Variants in GLRA3 observed in about 807,000 individuals in gnomAD.
The protein encoded by GLRA3 is glycine receptor subunit alpha-3.
In GLRA3, 44 loss-of-function variants were observed where a neutral mutation model predicts 60.4. The observed-to-expected ratio is 0.73, with a 90% confidence interval of 0.57 to 0.94. GLRA3 has a LOEUF of 0.94. GLRA3 is among the 40% of genes least tolerant of loss of function. GLRA3 has a pLI of 0.00. For missense variants in GLRA3, 508 were observed against 564.6 expected (o/e 0.90, Z 1.02); for synonymous variants, 223 against 192.9 (o/e 1.16, Z -1.29).
intron 1 of GLRA3, among the ~76,000 whole-genome samples, chr4:174,804,879 G>A (rs1191825893): frequency 6.6e-6 from 1 of 152,100 alleles, no homozygotes. Flanking sequence ...GAAGAAGCTG[G>A]CCACCCCACC....
At chr4:174,824,166 T>A (rs1026573521) in intron 1 of GLRA3, among the ~76,000 whole-genome samples, 2 of 152,202 alleles carry the variant, frequency 1.3e-5, no homozygotes, top group Non-Finnish European at 2.9e-5. Flanking sequence ...AAATTCAATG[T>A]CCTCTTTTCC....
At chr4:174,776,954 T>C (rs1465055489) in intron 2 of GLRA3, among the ~76,000 whole-genome samples, 4 of 152,036 alleles carry the variant, frequency 2.6e-5, no homozygotes, top group Non-Finnish European at 5.9e-5. Context: ...AATGGCACCA[T>C]GTAACTGAGG....
chr4:174,815,589 A>G (rs1740460018), intron 1 of GLRA3, among the ~76,000 whole-genome samples: 1 of 152,130 alleles, frequency 6.6e-6, no homozygotes, highest in Non-Finnish European at 1.5e-5. Context: ...TCAGTTCTTG[A>G]CTTGCGTGCA....
intron 5 of GLRA3, among the ~76,000 whole-genome samples, chr4:174,684,070 GT>G (rs1734460041): frequency 6.6e-6 from 1 of 152,112 alleles, no homozygotes; most frequent in Admixed American, 6.5e-5. Context: ...AAGCCATAAT[GT>G]TGAATAGAAT....
chr4:174,797,874 T>A (rs1739633516), intron 1 of GLRA3, among the ~76,000 whole-genome samples: 1 of 151,384 alleles, frequency 6.6e-6, no homozygotes, highest in East Asian at 1.9e-4. Context: ...CAGAGAGCCA[T>A]GACTGTGTCA....
At chr4:174,760,203 T>C (rs1189136143) in intron 3 of GLRA3, among the ~76,000 whole-genome samples, 1 of 152,176 alleles carries the variant, frequency 6.6e-6, no homozygotes, top group Non-Finnish European at 1.5e-5. Context: ...ATCTGAATCA[T>C]TTATTAAAAT....
At chr4:174,685,382 C>A (rs1011139027) in intron 5 of GLRA3, among the ~76,000 whole-genome samples, 20 of 152,132 alleles carry the variant, frequency 1.3e-4, no homozygotes, top group Admixed American at 1.3e-3. Flanking sequence ...CATCAGTAAC[C>A]AGATCTCTTT....
chr4:174,687,769 T>A (rs902382604), intron 5 of GLRA3, among the ~76,000 whole-genome samples: 1 of 152,200 alleles, frequency 6.6e-6, no homozygotes, highest in Non-Finnish European at 1.5e-5. Flanking sequence ...ATATGTACGA[T>A]GAAGTGTGTC....
intron 3 of GLRA3, among the ~76,000 whole-genome samples, chr4:174,737,516 TTTG>T (rs756415681): frequency 3.3e-5 from 4 of 122,558 alleles, no homozygotes; most frequent in East Asian, 2.2e-4. Flanking sequence ...TTTGTGGTTT[TTTG>T]TTGTTGTTGT....
intron 4 of GLRA3, among the ~76,000 whole-genome samples, chr4:174,721,383 A>T (rs183670192): frequency 6.6e-6 from 1 of 152,098 alleles, no homozygotes; most frequent in Non-Finnish European, 1.5e-5. Context: ...ATAAATATGT[A>T]ATTCTTGCTC....
rs1463603993 is a variant in GLRA3 at position 174,643,661 on chromosome 4, T to C, written c.*125A>G. ...ATAGCTAACCAAAATACAAAGCTTTTCCATATGCCATTTTAATACAATGGT... is the reference window on the plus strand; with the variant it reads ...ATAGCTAACCAAAATACAAAGCTTTCCCATATGCCATTTTAATACAATGGT... On this transcript the variant is annotated 3_prime_UTR_variant, in exon 10 of 10. Transcript: ENST00000274093. The C allele has an allele frequency of 1.4e-6, 2 of 1,408,806 alleles. No homozygotes were observed. Among genetic ancestry groups the C allele is most frequent in the Non-Finnish European group, 1.9e-6 (2 of 1,077,888 alleles). 87.3% of individuals were successfully genotyped at this position (1,408,806 alleles called of 1,614,324 possible). A position where few individuals can be genotyped will look rare whatever the true frequency, so the allele number is the denominator to read the frequency against.
chr4:174,779,804 G>C (rs1738789271), intron 2 of GLRA3, among the ~76,000 whole-genome samples: 1 of 151,184 alleles, frequency 6.6e-6, no homozygotes, highest in Non-Finnish European at 1.5e-5. Context: ...CAAGAAATAT[G>C]GGACTATGTG....
chr4:174,825,513 G>T (rs1195881385), intron 1 of GLRA3, among the ~76,000 whole-genome samples: 3 of 152,062 alleles, frequency 2.0e-5, no homozygotes, highest in Non-Finnish European at 4.4e-5. Flanking sequence ...AAAATTAAAT[G>T]ATATGGCAAG....
intron 5 of GLRA3, among the ~76,000 whole-genome samples, chr4:174,703,771 T>C (rs956215051): frequency 2.6e-5 from 4 of 152,206 alleles, no homozygotes; most frequent in Admixed American, 1.3e-4. Context: ...ATATAACTTA[T>C]ATAGTTTCTC....
At chr4:174,682,965 A>T in intron 5 of GLRA3, 26 bp from the exon 6 acceptor site, 1 of 1,587,726 alleles carries the variant, frequency 6.3e-7, no homozygotes, top group African/African-American at 1.3e-5. Context: ...TAAAAATATG[A>T]ATAGTCTAAA....
intron 4 of GLRA3, among the ~76,000 whole-genome samples, chr4:174,719,489 A>C (rs2111107354): frequency 6.6e-6 from 1 of 152,312 alleles, no homozygotes; most frequent in East Asian, 1.9e-4. Flanking sequence ...CTACATAAAT[A>C]ATTCTTCCAA....
intron 1 of GLRA3, among the ~76,000 whole-genome samples, chr4:174,808,160 A>C (rs1035672112): frequency 2.0e-5 from 3 of 152,186 alleles, no homozygotes; most frequent in African/African-American, 7.2e-5. Context: ...ACTTAAAGCC[A>C]GAAGAAAACA....
chr4:174,691,756 C>A (rs904187130), intron 5 of GLRA3, among the ~76,000 whole-genome samples: 6 of 152,140 alleles, frequency 3.9e-5, no homozygotes, highest in African/African-American at 4.8e-5. Flanking sequence ...CTCCACCTCC[C>A]AGCTGCCTGC....
chr4:174,665,275 A>ATT, intron 7 of GLRA3, among the ~76,000 whole-genome samples: 1 of 146,460 alleles, frequency 6.8e-6, no homozygotes, highest in South Asian at 2.1e-4. Context: ...TTTGGACTGG[A>ATT]ACCCTCCTTC....
Sources: gnomAD v4.1 joint callset for allele counts (sites outside exome capture counted in the v4.1 genomes callset) on GRCh38, gnomAD v4.1.1 for gene constraint, MANE v1.5 for transcripts, NCBI Gene and HGNC (gene_info 2026-07-23, HGNC 2026-07-21) for gene names.